EVL: variants seen among roughly 807,000 people sequenced by gnomAD.
EVL encodes the protein Enah/Vasp-like, also known as ena/VASP-like protein.
In EVL, 21 loss-of-function variants were observed where a neutral mutation model predicts 59.6. The observed-to-expected ratio is 0.35, with a 90% CI of 0.25 to 0.51. The LOEUF is 0.51. EVL is among the 20% of genes least tolerant of loss of function. The probability of loss-of-function intolerance (pLI) is 0.97; values close to 1 mark genes in which losing one functional copy is unlikely to be tolerated. For synonymous variants in EVL, 198 were observed against 203.5 expected (o/e 0.97, Z 0.23); for missense variants, 462 against 546.6 (o/e 0.85, Z 1.54).
rs555462260 is a variant in EVL, at chr14:100,068,725, G to A, written c.11+3214G>A. Among the ~76,000 whole-genome samples the A allele has an allele frequency of 1.8e-4, 28 of 152,326 alleles. 1 individual carries two copies. The highest frequency in any genetic ancestry group is 1.4e-3 in the Admixed American group (22 of 15,306). On this transcript the variant is annotated intron_variant, in intron 1 of 13. Coordinates refer to ENST00000392920, the MANE Select transcript of EVL (RefSeq NM_016337.3). ...GAAACATGAGTCAGACATGGCTTAG[G>A]TGGGTGGTGATTCCTTTCACCACGC...
intron 3 of EVL, among the ~76,000 whole-genome samples, chr14:100,110,463 T>G (rs1166806908): frequency 6.6e-6 from 1 of 152,008 alleles, no homozygotes; most frequent in East Asian, 1.9e-4. Flanking sequence ...GCCAGGCTTC[T>G]TGGATCCTGA....
intron 1 of EVL, among the ~76,000 whole-genome samples, chr14:99,987,679 T>G (rs542801535): frequency 6.6e-6 from 1 of 152,172 alleles, no homozygotes; most frequent in Admixed American, 6.5e-5. Context: ...ATAAAAGGGG[T>G]TTGAGGGAGC....
chr14:100,029,892 T>G (rs563938046), intron 1 of EVL, among the ~76,000 whole-genome samples: 4 of 152,288 alleles, frequency 2.6e-5, no homozygotes, highest in African/African-American at 7.2e-5. Flanking sequence ...TTGGCTACTC[T>G]GCAGAGATAA....
chr14:100,126,850 A>T, intron 5 of EVL, 79 bp downstream of exon 5: 1 of 1,398,850 alleles, frequency 7.1e-7, no homozygotes, highest in Non-Finnish European at 1.0e-6. Context: ...AGGCCCAGGG[A>T]CACACGGGGC....
upstream of EVL, chr14:100,065,191 G>A (rs1391904941): frequency 5.4e-6 from 1 of 184,286 alleles, no homozygotes; most frequent in Non-Finnish European, 1.1e-5. Context: ...ACCCTTGCAG[G>A]AAGCACTTAG....
At chr14:100,074,947 G>C (rs1047553123) in intron 1 of EVL, 1 of 152,388 alleles carries the variant, frequency 6.6e-6, no homozygotes, top group African/African-American at 2.4e-5. Flanking sequence ...TTCATAGTGT[G>C]AGAGAGTTCT....
intron 11 of EVL, 97 bp from the exon 12 acceptor site, chr14:100,141,083 G>A: frequency 2.6e-6 from 3 of 1,174,408 alleles, no homozygotes; most frequent in Non-Finnish European, 3.6e-6. Flanking sequence ...TGGAGCGAGG[G>A]GAGCAGGTGG....
intron 2 of EVL, among the ~76,000 whole-genome samples, chr14:100,086,934 G>A (rs1271777011): frequency 6.6e-6 from 1 of 152,172 alleles, no homozygotes; most frequent in African/African-American, 2.4e-5. Context: ...AGGAAATCTG[G>A]TCCATAACAA....
exon 1 of EVL, chr14:99,971,973 G>GCCCGCGT (rs905541886): frequency 7.0e-6 from 1 of 141,874 alleles, no homozygotes; most frequent in Non-Finnish European, 1.5e-5. Context: ...CCCCGCTAGC[G>GCCCGCGT]CCCGCGTCCC....
intron 1 of EVL, among the ~76,000 whole-genome samples, chr14:100,010,502 TCTC>T (rs987550845): frequency 2.0e-5 from 3 of 152,142 alleles, no homozygotes; most frequent in Non-Finnish European, 4.4e-5. Flanking sequence ...CCTCCACAAT[TCTC>T]CTACCTCAGC....
At chr14:100,025,522 T>C (rs1235103408) in intron 1 of EVL, among the ~76,000 whole-genome samples, 2 of 152,264 alleles carry the variant, frequency 1.3e-5, no homozygotes, top group East Asian at 3.8e-4. Flanking sequence ...TACTCTGCTT[T>C]ATTTTTTGCC....
intron 1 of EVL, among the ~76,000 whole-genome samples, chr14:100,045,954 A>G (rs184847024): frequency 6.6e-5 from 10 of 152,344 alleles, no homozygotes; most frequent in Admixed American, 5.9e-4. Flanking sequence ...CAGCCTAATT[A>G]GAGCAGTAGG....
intron 1 of EVL, among the ~76,000 whole-genome samples, chr14:100,004,304 A>G (rs1264994553): frequency 1.3e-5 from 2 of 152,222 alleles, no homozygotes; most frequent in Non-Finnish European, 2.9e-5. Context: ...AAATGAGTCG[A>G]AGGAGGGCAG....
intron 13 of EVL, 129 bp from the exon 14 acceptor site, chr14:100,143,572 G>A (rs1889332785): frequency 1.7e-6 from 2 of 1,145,040 alleles, no homozygotes; most frequent in Admixed American, 4.0e-5. Flanking sequence ...CCAAAGCCTG[G>A]GTGGGGCTCC....
At chr14:99,981,380 G>A (rs1042455498) in intron 1 of EVL, among the ~76,000 whole-genome samples, 22 of 152,132 alleles carry the variant, frequency 1.4e-4, no homozygotes, top group South Asian at 6.2e-4. Flanking sequence ...TGCAGGAGCC[G>A]AGATCATGTC....
intron 1 of EVL, among the ~76,000 whole-genome samples, chr14:99,987,650 CA>C (rs1471458810): frequency 6.6e-6 from 1 of 151,754 alleles, no homozygotes; most frequent in Non-Finnish European, 1.5e-5. Context: ...CTCAAGTAAA[CA>C]AACAAACAAA....
intron 7 of EVL, among the ~76,000 whole-genome samples, chr14:100,131,436 T>G (rs1314766089): frequency 6.6e-6 from 1 of 152,210 alleles, no homozygotes; most frequent in Non-Finnish European, 1.5e-5. Flanking sequence ...ACGATGAAAG[T>G]GCCCTTGCCA....
chr14:100,091,833 C>T (rs1362682889), intron 2 of EVL, among the ~76,000 whole-genome samples: 1 of 152,140 alleles, frequency 6.6e-6, no homozygotes, highest in Non-Finnish European at 1.5e-5. Flanking sequence ...GGACTCAGCC[C>T]TCAACCCGTG....
chr14:100,072,895 CG>C (rs2062078581), intron 1 of EVL, among the ~76,000 whole-genome samples: 1 of 152,228 alleles, frequency 6.6e-6, no homozygotes, highest in African/African-American at 2.4e-5. Flanking sequence ...TACTGCACGG[CG>C]GAGCGTCAGG....
Sources: gnomAD v4.1 joint callset for allele counts (sites outside exome capture counted in the v4.1 genomes callset) on GRCh38, gnomAD v4.1.1 for gene constraint, MANE v1.5 for transcripts, NCBI Gene and HGNC (gene_info 2026-07-23, HGNC 2026-07-21) for gene names.